The following AP1S3 variants were observed in gnomAD, a reference collection of about 807,000 sequenced individuals.
AP1S3 encodes the protein adaptor related protein complex 1 subunit sigma 3.
AP1S3 carries 10 observed loss-of-function variants against 20.9 expected under a neutral mutation model. That is an observed-to-expected ratio of 0.48 (90% CI 0.29 to 0.81). The LOEUF (loss-of-function observed/expected upper bound fraction) is 0.81. Among genes scored for constraint, AP1S3 ranks in the 30% least tolerant of loss-of-function variants. The pLI, the probability that AP1S3 is intolerant of heterozygous loss-of-function variation, is 0.08. For synonymous variants in AP1S3, 41 were observed against 61.5 expected (o/e 0.67, Z 1.56); for missense variants, 154 against 183.8 (o/e 0.84, Z 0.94).
intron 3 of AP1S3, among the ~76,000 whole-genome samples, chr2:223,769,261 C>T (rs1390213301): frequency 2.0e-5 from 3 of 152,074 alleles, no homozygotes; most frequent in African/African-American, 7.2e-5. Flanking sequence ...AATTTTGGGT[C>T]AAAGGATTTG....
At chr2:223,780,880 A>G (rs1210932001) in intron 1 of AP1S3, among the ~76,000 whole-genome samples, 2 of 151,850 alleles carry the variant, frequency 1.3e-5, no homozygotes, top group South Asian at 4.2e-4. Flanking sequence ...GGTACAACTG[A>G]ACCTGTCAAT....
chr2:223,820,414 T>C (rs1420721837), intron 1 of AP1S3, among the ~76,000 whole-genome samples: 7 of 151,978 alleles, frequency 4.6e-5, no homozygotes, highest in Admixed American at 2.0e-4. Context: ...CAAAGATGAG[T>C]TCAAGTTTTT....
chr2:223,823,305 CA>C (rs1692035867), intron 1 of AP1S3, among the ~76,000 whole-genome samples: 1 of 152,202 alleles, frequency 6.6e-6, no homozygotes, highest in South Asian at 2.1e-4. Flanking sequence ...TTCATTGCCT[CA>C]CTCTTCACAA....
chr2:223,810,020 C>T (rs1449084349), intron 1 of AP1S3, among the ~76,000 whole-genome samples: 2 of 152,056 alleles, frequency 1.3e-5, no homozygotes, highest in African/African-American at 2.4e-5. Context: ...GCCACCGTGC[C>T]CGGCCTATTT....
intron 1 of AP1S3, among the ~76,000 whole-genome samples, chr2:223,809,643 CAAAACAAAAACA>C (rs774448210): frequency 6.6e-6 from 1 of 151,346 alleles, no homozygotes; most frequent in Non-Finnish European, 1.5e-5. Flanking sequence ...GACTCCGTTT[CAAAACAAAAACA>C]AAAACAAAAA....
intron 1 of AP1S3, among the ~76,000 whole-genome samples, chr2:223,789,835 C>CAAAAAAAAAAA: frequency 8.3e-6 from 1 of 120,832 alleles, no homozygotes; most frequent in Non-Finnish European, 1.7e-5. Flanking sequence ...AAGACTCTAT[C>CAAAAAAAAAAA]AAAAAAAAAA....
chr2:223,764,171 G>A (rs889871239), intron 4 of AP1S3, among the ~76,000 whole-genome samples: 11 of 151,782 alleles, frequency 7.2e-5, no homozygotes, highest in East Asian at 1.9e-4. Context: ...TGCCTGCCTC[G>A]GCCTCCCAAA....
At chr2:223,775,189 T>C (rs529761500) in intron 3 of AP1S3, among the ~76,000 whole-genome samples, 69 of 152,074 alleles carry the variant, frequency 4.5e-4, no homozygotes, top group African/African-American at 1.6e-3. Flanking sequence ...CCCTGCAGAG[T>C]AAAGATGGAC....
chr2:223,786,592 CA>C (rs112139260), intron 1 of AP1S3, among the ~76,000 whole-genome samples: 2 of 147,522 alleles, frequency 1.4e-5, no homozygotes, highest in African/African-American at 2.5e-5. Flanking sequence ...TGTGTCTCTA[CA>C]AAAAAAAAGT....
At chr2:223,770,071 G>A (rs1690577949) in intron 3 of AP1S3, 3 of 1,408,528 alleles carry the variant, frequency 2.1e-6, no homozygotes, top group Non-Finnish European at 1.9e-6. Context: ...AACCGTATAT[G>A]TTTAGAGGGA....
intron 1 of AP1S3, among the ~76,000 whole-genome samples, chr2:223,817,445 C>G (rs1691870626): frequency 6.6e-6 from 1 of 151,704 alleles, no homozygotes; most frequent in Non-Finnish European, 1.5e-5. Flanking sequence ...CCCGTCTCTA[C>G]TAAAAATACA....
chr2:223,788,841 A>G (rs1161924671), intron 1 of AP1S3, among the ~76,000 whole-genome samples: 1 of 152,034 alleles, frequency 6.6e-6, no homozygotes, highest in African/African-American at 2.4e-5. Context: ...CCTAAACCTA[A>G]TTCAGAGCCT....
Position 223,758,679 on chromosome 2 carries a change from A to G in AP1S3, c.*36T>C, listed in dbSNP as rs922820988. The G allele has an allele frequency of 8.9e-6, 14 of 1,571,218 alleles. No homozygotes were observed. In the African/African-American group the frequency reaches 1.9e-4, roughly 21 times the overall value. ...AGGCGTTGCTTATTTACAGCTTCATAACATGTAGTGCTGGAGTCTTCAAGT... is the reference window on the plus strand; with the variant it reads ...AGGCGTTGCTTATTTACAGCTTCATGACATGTAGTGCTGGAGTCTTCAAGT... On this transcript the variant is annotated 3_prime_UTR_variant, in exon 5 of 5. Transcript: ENST00000396654.
At chr2:223,807,257 A>T (rs1458363164) in intron 1 of AP1S3, among the ~76,000 whole-genome samples, 5 of 152,146 alleles carry the variant, frequency 3.3e-5, no homozygotes, top group Non-Finnish European at 7.4e-5. Flanking sequence ...ACAGAGTAAG[A>T]CCCTGTCTCA....
intron 1 of AP1S3, among the ~76,000 whole-genome samples, chr2:223,781,505 G>A (rs768730031): frequency 6.6e-6 from 1 of 152,020 alleles, no homozygotes; most frequent in Non-Finnish European, 1.5e-5. Context: ...GAAGGCTGAG[G>A]AAGGAGGATT....
At chr2:223,769,953 C>T (rs1475230985) in intron 3 of AP1S3, among the ~76,000 whole-genome samples, 1 of 151,860 alleles carries the variant, frequency 6.6e-6, no homozygotes, top group African/African-American at 2.4e-5. Flanking sequence ...ACTGTGTTAG[C>T]CAGGATGGTC....
At chr2:223,775,791 A>G in intron 3 of AP1S3, 110 bp downstream of exon 3, 1 of 809,616 alleles carries the variant, frequency 1.2e-6, no homozygotes, top group Non-Finnish European at 2.0e-6. Context: ...GTTCAAGTTC[A>G]ATTCATATTT....
In AP1S3 at chr2:223,756,041, G is replaced by GA; in HGVS notation, c.*2673dup. 5.1e-6 allele frequency: 5 copies of GA among 985,220 alleles called. No individual in the cohort carries two copies. Among genetic ancestry groups the GA allele is most frequent in the Non-Finnish European group, 6.0e-6 (5 of 829,860 alleles). The allele number at this position is 985,220 out of a possible 1,614,324, so 61.0% of individuals were successfully genotyped here. ...AGGTCCATCTTTACAAAATTGTATT[G>GA]AAAAATAAAGAATTTGGCCGGGTGC... On this transcript the variant is annotated 3_prime_UTR_variant, in exon 5 of 5. Transcript: ENST00000396654.
intron 2 of AP1S3, chr2:223,776,271 A>T (rs187517234): frequency 1.9e-4 from 98 of 521,522 alleles, no homozygotes; most frequent in African/African-American, 1.8e-3. Flanking sequence ...TATCAGGAGG[A>T]CAGTATCCTT....
Sources: gnomAD v4.1 joint callset for allele counts (sites outside exome capture counted in the v4.1 genomes callset) on GRCh38, gnomAD v4.1.1 for gene constraint, MANE v1.5 for transcripts, NCBI Gene and HGNC (gene_info 2026-07-23, HGNC 2026-07-21) for gene names.